RBFOX1: variants seen among roughly 807,000 people sequenced by gnomAD.
RBFOX1 encodes the protein RNA binding fox-1 homolog 1, also known as RNA binding protein fox-1 homolog 1.
A neutral mutation model predicts 57.7 loss-of-function variants in RBFOX1; 8 were observed. That is an observed-to-expected ratio of 0.14 (90% CI 0.08 to 0.25). The LOEUF is 0.25. Ranked by LOEUF, RBFOX1 falls within the 10% of genes least tolerant of loss-of-function variation. The probability of loss-of-function intolerance (pLI) is 1.00; values close to 1 mark genes in which losing one functional copy is unlikely to be tolerated. For synonymous variants in RBFOX1, 326 were observed against 222.4 expected (o/e 1.47, Z -4.15); for missense variants, 611 against 548.5 (o/e 1.11, Z -1.14).
At chr16:6,205,840 G>A (rs1488237198) in intron 1 of RBFOX1, among the ~76,000 whole-genome samples, 4 of 136,934 alleles carry the variant, frequency 2.9e-5, no homozygotes, top group Non-Finnish European at 4.6e-5. Flanking sequence ...ATTTCCCTTT[G>A]AACAAGAGCC....
At chr16:7,440,744 A>T (rs1217741763) in intron 4 of RBFOX1, among the ~76,000 whole-genome samples, 1 of 152,162 alleles carries the variant, frequency 6.6e-6, no homozygotes. Flanking sequence ...AGGAAAGGAA[A>T]TGAAACCCAG....
intron 4 of RBFOX1, among the ~76,000 whole-genome samples, chr16:7,406,931 T>C (rs1406918437): frequency 6.6e-6 from 1 of 152,198 alleles, no homozygotes; most frequent in Non-Finnish European, 1.5e-5. Context: ...GCTATCAGTG[T>C]AGCATTTTCA....
intron 3 of RBFOX1, among the ~76,000 whole-genome samples, chr16:5,856,604 T>TATATATATATATATATGTATA (rs776623035): frequency 1.5e-5 from 1 of 68,110 alleles, no homozygotes; most frequent in African/African-American, 4.8e-5. Flanking sequence ...TATATATATA[T>TATATATATATATATATGTATA]AATCTTAGCC....
chr16:7,365,166 T>C (rs1441161781), intron 4 of RBFOX1, among the ~76,000 whole-genome samples: 1 of 152,202 alleles, frequency 6.6e-6, no homozygotes, highest in Admixed American at 6.5e-5. Flanking sequence ...GTCACGATCA[T>C]GGGAGACTTT....
At chr16:7,709,703 TG>T (rs897633774) in intron 15 of RBFOX1, 3 of 1,078,870 alleles carry the variant, frequency 2.8e-6, no homozygotes, top group African/African-American at 3.9e-5. Flanking sequence ...CAGCTGGGTT[TG>T]GGGGTTGCCT....
chr16:6,788,600 C>T (rs774840278), intron 3 of RBFOX1, among the ~76,000 whole-genome samples: 5 of 151,836 alleles, frequency 3.3e-5, no homozygotes, highest in African/African-American at 7.3e-5. Flanking sequence ...CTCAGCCTCC[C>T]GAGTAGCTGG....
chr16:6,731,695 C>G (rs149240315), intron 3 of RBFOX1, among the ~76,000 whole-genome samples: 2 of 152,048 alleles, frequency 1.3e-5, no homozygotes, highest in African/African-American at 4.8e-5. Context: ...TGAAAGTTTT[C>G]CCACATGACT....
chr16:7,409,510 T>C (rs2098400885), intron 4 of RBFOX1, among the ~76,000 whole-genome samples: 1 of 152,218 alleles, frequency 6.6e-6, no homozygotes, highest in South Asian at 2.1e-4. Flanking sequence ...TAGAAAGCTG[T>C]TGCCAGTTGT....
At chr16:5,718,830 A>G (rs1164638740) in intron 3 of RBFOX1, among the ~76,000 whole-genome samples, 1 of 152,058 alleles carries the variant, frequency 6.6e-6, no homozygotes, top group African/African-American at 2.4e-5. Flanking sequence ...AATCGCTTGA[A>G]CCTGGGAGGC....
intron 3 of RBFOX1, among the ~76,000 whole-genome samples, chr16:6,798,384 C>G (rs1481721126): frequency 1.3e-5 from 2 of 152,104 alleles, no homozygotes; most frequent in African/African-American, 2.4e-5. Context: ...CATTCTGAGA[C>G]AGAAGAAGTA....
intron 4 of RBFOX1, 147 bp downstream of exon 4, chr16:7,052,245 T>G: frequency 7.8e-7 from 1 of 1,274,842 alleles, no homozygotes; most frequent in Non-Finnish European, 1.1e-6. Flanking sequence ...CCAGCTTATT[T>G]AGTATTGATT....
intron 4 of RBFOX1, among the ~76,000 whole-genome samples, chr16:7,349,857 A>T (rs1213559816): frequency 1.4e-4 from 22 of 152,188 alleles, no homozygotes; most frequent in Non-Finnish European, 1.5e-5. Flanking sequence ...GAAATAAAAT[A>T]GGTTATGGGC....
chr16:7,366,512 G>T (rs1172571008), intron 4 of RBFOX1, among the ~76,000 whole-genome samples: 1 of 152,216 alleles, frequency 6.6e-6, no homozygotes, highest in African/African-American at 2.4e-5. Flanking sequence ...TTGAGGCACA[G>T]CCTGAGATGA....
intron 1 of RBFOX1, among the ~76,000 whole-genome samples, chr16:6,020,855 A>T (rs1167771628): frequency 6.6e-6 from 1 of 152,142 alleles, no homozygotes; most frequent in African/African-American, 2.4e-5. Flanking sequence ...ACCAGGTGTC[A>T]CGCGGAGCCC....
At chr16:5,330,376 A>G (rs1356739658) in intron 1 of RBFOX1, among the ~76,000 whole-genome samples, 1 of 152,134 alleles carries the variant, frequency 6.6e-6, no homozygotes, top group Non-Finnish European at 1.5e-5. Context: ...GCTTTTTAAG[A>G]TGACTTTAAA....
intron 2 of RBFOX1, among the ~76,000 whole-genome samples, chr16:6,645,331 T>A (rs2098525005): frequency 6.6e-6 from 1 of 152,166 alleles, no homozygotes; most frequent in South Asian, 2.1e-4. Flanking sequence ...GGGGGGCTGC[T>A]GTTGAACCCC....
At chr16:7,224,719 C>G (rs1249205952) in intron 4 of RBFOX1, among the ~76,000 whole-genome samples, 2 of 152,158 alleles carry the variant, frequency 1.3e-5, no homozygotes. Context: ...TAAAACCAAT[C>G]AATGGGAATT....
At chr16:6,067,678 G>A (rs1334476666) in intron 1 of RBFOX1, among the ~76,000 whole-genome samples, 1 of 152,128 alleles carries the variant, frequency 6.6e-6, no homozygotes, top group Admixed American at 6.5e-5. Flanking sequence ...ATCTGCAAAG[G>A]GTGGGTTGCT....
intron 2 of RBFOX1, among the ~76,000 whole-genome samples, chr16:5,514,977 C>T (rs2043737050): frequency 1.3e-5 from 2 of 152,146 alleles, no homozygotes; most frequent in African/African-American, 4.8e-5. Context: ...AGCTTTTACT[C>T]ATGGTGGAAG....
Sources: gnomAD v4.1 joint callset for allele counts (sites outside exome capture counted in the v4.1 genomes callset) on GRCh38, gnomAD v4.1.1 for gene constraint, MANE v1.5 for transcripts, NCBI Gene and HGNC (gene_info 2026-07-23, HGNC 2026-07-21) for gene names.